Variants in TRPM8 observed in about 807,000 individuals in gnomAD.
TRPM8 encodes the protein TRPM8 cationic channel.
Under a neutral mutation model 133.7 loss-of-function variants are expected in TRPM8, and 110 were observed. The observed-to-expected ratio is 0.82, with a 90% CI of 0.70 to 0.96. The LOEUF (loss-of-function observed/expected upper bound fraction) is 0.96. Ranked by LOEUF, TRPM8 falls within the 40% of genes least tolerant of loss-of-function variation. The pLI, the probability that TRPM8 is intolerant of heterozygous loss-of-function variation, is 0.00. For missense variants in TRPM8, 1,291 were observed against 1,379.5 expected, an observed-to-expected ratio of 0.94 and a Z score of 1.02; for synonymous variants, 535 against 532.3, an observed-to-expected ratio of 1.01 and a Z score of -0.07.
Position 234,017,323 on chromosome 2 carries a change from C to A in TRPM8, c.*67C>A. 1 of 471,236 alleles carries A rather than the reference C, an allele frequency of 2.1e-6. No individual in the cohort carries two copies. The highest frequency in any genetic ancestry group is 4.4e-6 in the Non-Finnish European group (1 of 227,102). 29.2% of individuals were successfully genotyped at this position (471,236 alleles called of 1,614,324 possible). A position where few individuals can be genotyped will look rare whatever the true frequency, so the allele number is the denominator to read the frequency against. On this transcript the variant is annotated 3_prime_UTR_variant, in exon 26 of 26. Coordinates refer to ENST00000324695, the MANE Select transcript of TRPM8 (RefSeq NM_024080.5). Reference sequence around the variant, plus strand: ...GATCATATTAAGGAATGCTGATGAACAATTTTGCTATCGACTACTAAATGA... The same window carrying A: ...GATCATATTAAGGAATGCTGATGAAAAATTTTGCTATCGACTACTAAATGA...
chr2:233,972,222 G>C (rs1331967531), intron 17 of TRPM8, among the ~76,000 whole-genome samples: 1 of 152,148 alleles, frequency 6.6e-6, no homozygotes, highest in Non-Finnish European at 1.5e-5. Context: ...GGCCCCACCA[G>C]AGCAGCTAGA....
intron 7 of TRPM8, 72 bp downstream of exon 7, chr2:233,946,102 T>C (rs1206764236): frequency 2.8e-6 from 4 of 1,432,294 alleles, no homozygotes; most frequent in Non-Finnish European, 3.9e-6. Flanking sequence ...CAACAATCAC[T>C]ACCAACTATT....
chr2:233,962,100 T>G (rs529102333), intron 12 of TRPM8, among the ~76,000 whole-genome samples: 20 of 152,366 alleles, frequency 1.3e-4, no homozygotes, highest in Middle Eastern at 3.4e-3. Context: ...GGACACGTGT[T>G]CTTTTGTGAG....
chr2:233,939,443 T>C (rs1451396810), intron 5 of TRPM8, among the ~76,000 whole-genome samples: 1 of 152,230 alleles, frequency 6.6e-6, no homozygotes, highest in Non-Finnish European at 1.5e-5. Context: ...ATTTTCATTT[T>C]GTTATTAACA....
intron 8 of TRPM8, 48 bp downstream of exon 8, chr2:233,947,203 A>G: frequency 6.2e-7 from 1 of 1,607,796 alleles, no homozygotes; most frequent in East Asian, 2.2e-5. Context: ...AAGCCTATCC[A>G]ACAAATTTGT....
At chr2:233,962,836 T>G (rs774859842) in intron 12 of TRPM8, among the ~76,000 whole-genome samples, 12 of 152,218 alleles carry the variant, frequency 7.9e-5, no homozygotes, top group Non-Finnish European at 1.6e-4. Context: ...TTCTAATTGA[T>G]AGGTTAGGCA....
intron 12 of TRPM8, 109 bp downstream of exon 12, chr2:233,961,175 C>T: frequency 9.1e-7 from 1 of 1,100,022 alleles, no homozygotes; most frequent in Non-Finnish European, 1.3e-6. Flanking sequence ...AAATACTTAA[C>T]ACACTGACAA....
At chr2:233,919,075 C>A (rs1254467511) in intron 1 of TRPM8, among the ~76,000 whole-genome samples, 1 of 151,550 alleles carries the variant, frequency 6.6e-6, no homozygotes, top group Non-Finnish European at 1.5e-5. Flanking sequence ...AGACTTAGAA[C>A]TAGACAATCC....
intron 24 of TRPM8, among the ~76,000 whole-genome samples, chr2:234,012,548 A>T (rs1175834321): frequency 6.6e-6 from 1 of 151,914 alleles, no homozygotes; most frequent in Non-Finnish European, 1.5e-5. Context: ...GTTATATGCA[A>T]ATAGAGATAA....
intron 2 of TRPM8, among the ~76,000 whole-genome samples, chr2:233,927,924 TTC>T (rs1178731456): frequency 0.28 from 7,993 of 28,188 alleles, 1,632 homozygotes; most frequent in East Asian, 0.35. Context: ...CTCTCTCTCT[TTC>T]TCTCTCTCTC....
At chr2:233,946,230 C>T (rs1376149244) in intron 7 of TRPM8, 200 bp downstream of exon 7, 2 of 493,380 alleles carry the variant, frequency 4.1e-6, no homozygotes, top group East Asian at 3.0e-5. Context: ...GGTATGTACC[C>T]TTTAACATGC....
chr2:233,977,491 C>T, intron 17 of TRPM8, among the ~76,000 whole-genome samples: 1 of 152,230 alleles, frequency 6.6e-6, no homozygotes, highest in East Asian at 1.9e-4. Flanking sequence ...TGAGGTTGGG[C>T]TGGGGCAGTG....
At chr2:233,947,936 T>C (rs1359928433) in intron 8 of TRPM8, among the ~76,000 whole-genome samples, 1 of 152,174 alleles carries the variant, frequency 6.6e-6, no homozygotes, top group Admixed American at 6.5e-5. Context: ...CCATAGGTAG[T>C]TTAAAAAAAG....
chr2:233,942,450 A>G (rs28901629), intron 5 of TRPM8, 126 bp from the exon 6 acceptor site: 16,093 of 893,508 alleles, frequency 0.018, 757 homozygotes, highest in East Asian at 0.17. Flanking sequence ...TTGCCATACG[A>G]CATAGCTGCC....
rs565828467 is a variant in TRPM8 at position 233,999,579 on chromosome 2, C to T, written c.3130+3063C>T. The stretch of plus-strand genomic sequence containing the variant: ...CTAGGCATCACTGAGCTGAATGCGC[C>T]GGTCCTCTGAGAATGCCTCCCCCAC... On this transcript the variant is annotated intron_variant, in intron 22 of 25. Coordinates refer to ENST00000324695, the MANE Select transcript of TRPM8 (RefSeq NM_024080.5). Among the ~76,000 whole-genome samples, 240 of 151,580 alleles carry T rather than the reference C, an allele frequency of 1.6e-3. 3 individuals are homozygous for T. The highest frequency in any genetic ancestry group is 5.4e-3 in the Admixed American group (83 of 15,272).
intron 24 of TRPM8, among the ~76,000 whole-genome samples, chr2:234,009,164 C>G (rs1409558752): frequency 6.6e-6 from 1 of 152,190 alleles, no homozygotes; most frequent in Non-Finnish European, 1.5e-5. Flanking sequence ...CTGGAATCCT[C>G]CTTTCACAGT....
intron 1 of TRPM8, among the ~76,000 whole-genome samples, chr2:233,922,344 A>G (rs751869916): frequency 3.3e-5 from 5 of 152,092 alleles, no homozygotes; most frequent in Non-Finnish European, 5.9e-5. Flanking sequence ...AGTTTAGGGC[A>G]TGATTTCTAG....
At chr2:233,961,151 A>G (rs1691427975) in intron 12 of TRPM8, 85 bp downstream of exon 12, 5 of 1,336,142 alleles carry the variant, frequency 3.7e-6, no homozygotes, top group African/African-American at 2.9e-5. Flanking sequence ...CCTACTCCCT[A>G]TCTTATTGCC....
intron 16 of TRPM8, 86 bp downstream of exon 16, chr2:233,969,893 A>G: frequency 1.1e-6 from 1 of 912,556 alleles, no homozygotes; most frequent in Non-Finnish European, 1.8e-6. Context: ...CATGTAAATG[A>G]TTAAAAAGCC....
Sources: gnomAD v4.1 joint callset for allele counts (sites outside exome capture counted in the v4.1 genomes callset) on GRCh38, gnomAD v4.1.1 for gene constraint, MANE v1.5 for transcripts, NCBI Gene and HGNC (gene_info 2026-07-23, HGNC 2026-07-21) for gene names.